Variants in HDAC4 observed in about 807,000 individuals in gnomAD.
The protein encoded by HDAC4 is histone deacetylase 4, also known as histone deacetylase A.
Under a neutral mutation model 135.1 loss-of-function variants are expected in HDAC4, and 16 were observed. The ratio of observed to expected loss-of-function variants is 0.12; its 90% confidence interval spans 0.08 to 0.18. The LOEUF is 0.18. Among genes scored for constraint, HDAC4 ranks in the 10% least tolerant of loss-of-function variants. HDAC4 has a pLI of 1.00. For synonymous variants in HDAC4, 685 were observed against 653.4 expected (o/e 1.05, Z -0.74); for missense variants, 1,143 against 1,511.8 (o/e 0.76, Z 4.05).
rs2052589815 is a variant in HDAC4 at position 239,306,478 on chromosome 2, T to G, written c.22+46200A>C. 6.6e-6 allele frequency among the ~76,000 whole-genome samples: 1 copy of G among 152,016 alleles called. No homozygotes were observed. The highest frequency in any genetic ancestry group is 1.5e-5 in the Non-Finnish European group (1 of 67,986). ...TAATACCTGACCCAGGGCCAAGCTA[T>G]CCTGTGTCCCATACTCGGCCCGTAG... On this transcript the variant is annotated intron_variant, in intron 2 of 26. Transcript: ENST00000543185. The surrounding 1 kb of genome is among the most constrained non-coding windows in gnomAD (Gnocchi z 4.5).
chr2:239,263,599 C>T (rs2049520606), intron 2 of HDAC4, among the ~76,000 whole-genome samples: 2 of 152,206 alleles, frequency 1.3e-5, no homozygotes, highest in South Asian at 2.1e-4. Context: ...TGAGGCTCTA[C>T]ACACAGCAGC....
intron 2 of HDAC4, among the ~76,000 whole-genome samples, chr2:239,279,648 C>T (rs1311443871): frequency 1.3e-5 from 2 of 152,202 alleles, no homozygotes; most frequent in Non-Finnish European, 2.9e-5. Flanking sequence ...CCAGAAATCT[C>T]ACACAGCCCC....
rs188606086 is a variant in HDAC4, at chr2:239,143,999, A to G, written c.865+584T>C. Among the ~76,000 whole-genome samples the G allele has an allele frequency of 2.6e-3, 392 of 152,188 alleles. 2 individuals are homozygous for G. The highest frequency in any genetic ancestry group is 8.8e-3 in the African/African-American group (367 of 41,530). On this transcript the variant is annotated intron_variant, in intron 8 of 26. Coordinates refer to ENST00000543185, the MANE Select transcript of HDAC4 (RefSeq NM_001378414.1). ...GTCCTCTGGATGGGGATGTACCCTC[A>G]AGAGGGGCGGGTGAGCCTTCAGGAT...
intron 9 of HDAC4, among the ~76,000 whole-genome samples, chr2:239,137,864 C>T (rs1268446929): frequency 2.0e-5 from 3 of 152,206 alleles, no homozygotes; most frequent in Non-Finnish European, 2.9e-5. Flanking sequence ...AATGGCACCT[C>T]TTGGTATTTC....
At chr2:239,371,667 T>C (rs1469220634) in intron 1 of HDAC4, among the ~76,000 whole-genome samples, 1 of 151,798 alleles carries the variant, frequency 6.6e-6, no homozygotes, top group East Asian at 1.9e-4. Flanking sequence ...ACGGACTCAC[T>C]CACACACACA....
chr2:239,122,078 C>T (rs13395975), intron 12 of HDAC4, among the ~76,000 whole-genome samples: 28 of 152,334 alleles, frequency 1.8e-4, no homozygotes, highest in African/African-American at 6.3e-4. Context: ...CTGGAGTTCA[C>T]GGCCAAAACC....
In HDAC4 at chr2:239,111,603, C is replaced by T. The variant is rs2152799402; in HGVS notation, c.1901G>A (p.Arg634Gln). Reference protein sequence around the residue: ...VSFGGHRPLSRAQSSPASATF... With the variant: ...VSFGGHRPLSQAQSSPASATF... ...GGCAGACGCGGGTGAGGACTGCGCC[C>T]GGGACAGAGGCCTGTGGCCGCCGAA... Residue 634 changes from arginine (R) to glutamine (Q), a missense_variant, in exon 14 of 27, where the codon CGG (arginine) becomes CAG (glutamine). By Grantham distance (43) the Arg-to-Gln change is conservative. Coordinates refer to ENST00000543185, the MANE Select transcript of HDAC4 (RefSeq NM_001378414.1). 1.9e-6 allele frequency: 3 copies of T among 1,611,400 alleles called. No homozygotes were observed. Among genetic ancestry groups the T allele is most frequent in the Non-Finnish European group, 2.5e-6 (3 of 1,179,406 alleles).
intron 2 of HDAC4, among the ~76,000 whole-genome samples, chr2:239,259,909 G>A (rs193093960): frequency 1.3e-5 from 2 of 152,314 alleles, no homozygotes; most frequent in African/African-American, 4.8e-5. Flanking sequence ...ACAGTGAAAC[G>A]TCCTTTGTCA....
chr2:239,332,789 TAAA>T (rs1691673040), intron 2 of HDAC4, among the ~76,000 whole-genome samples: 1 of 151,826 alleles, frequency 6.6e-6, no homozygotes, highest in East Asian at 1.9e-4. Flanking sequence ...ACACAGTTCT[TAAA>T]AAATATTAAT....
chr2:239,152,234 G>C (rs1263887172), intron 7 of HDAC4, among the ~76,000 whole-genome samples: 1 of 152,196 alleles, frequency 6.6e-6, no homozygotes, highest in Non-Finnish European at 1.5e-5. Flanking sequence ...TGCAGTTTCT[G>C]GTGAAGCCAT....
chr2:239,067,079 A>G, intron 23 of HDAC4: 1 of 614,814 alleles, frequency 1.6e-6, no homozygotes. Context: ...TTGATTTTTA[A>G]TCAGCAAATC....
At chr2:239,299,000 C>A (rs1462773278) in intron 2 of HDAC4, among the ~76,000 whole-genome samples, 1 of 151,024 alleles carries the variant, frequency 6.6e-6, no homozygotes, top group Non-Finnish European at 1.5e-5. Context: ...TCCCGAGTAG[C>A]TGGGACTACA....
chr2:239,082,697 G>A (rs559546865), intron 20 of HDAC4, among the ~76,000 whole-genome samples: 93 of 152,370 alleles, frequency 6.1e-4, no homozygotes, highest in African/African-American at 2.0e-3. Flanking sequence ...CAGGGCGTTC[G>A]GCAGGAGACA....
intron 2 of HDAC4, among the ~76,000 whole-genome samples, chr2:239,268,121 T>A (rs1265871068): frequency 6.6e-6 from 1 of 152,252 alleles, no homozygotes; most frequent in Non-Finnish European, 1.5e-5. Context: ...ATTTTTTTTA[T>A]TTGCTCAATT....
At chr2:239,387,065 G>A (rs763946639) in intron 1 of HDAC4, among the ~76,000 whole-genome samples, 3 of 151,894 alleles carry the variant, frequency 2.0e-5, no homozygotes, top group East Asian at 1.9e-4. Flanking sequence ...GGGTGTGTGC[G>A]TGTCCGGGGA....
At chr2:239,329,905 G>A (rs919970180) in intron 2 of HDAC4, among the ~76,000 whole-genome samples, 21 of 152,036 alleles carry the variant, frequency 1.4e-4, no homozygotes, top group African/African-American at 3.4e-4. Flanking sequence ...GGCGGCCACG[G>A]GTGTCTGTGT....
intron 2 of HDAC4, among the ~76,000 whole-genome samples, chr2:239,340,008 G>A (rs1436048225): frequency 6.6e-6 from 1 of 152,186 alleles, no homozygotes; most frequent in African/African-American, 2.4e-5. Flanking sequence ...GACAGAAAGA[G>A]GCTGGGGGCC....
At chr2:239,176,645 GC>G in intron 4 of HDAC4, 82 bp from the exon 5 acceptor site, 1 of 1,342,106 alleles carries the variant, frequency 7.5e-7, no homozygotes, top group Non-Finnish European at 1.0e-6. Flanking sequence ...CAAGAAACCA[GC>G]CCAGGCCCTA....
chr2:239,136,477 T>C (rs1373793790), intron 9 of HDAC4, among the ~76,000 whole-genome samples: 2 of 152,182 alleles, frequency 1.3e-5, no homozygotes, highest in African/African-American at 2.4e-5. Context: ...CTCTTGGCTA[T>C]TGTGAAAGAT....
Sources: gnomAD v4.1 joint callset for allele counts (sites outside exome capture counted in the v4.1 genomes callset) on GRCh38, gnomAD v4.1.1 for gene constraint, Gnocchi (gnomAD v3.1) non-coding constraint, MANE v1.5 for transcripts, NCBI Gene and HGNC (gene_info 2026-07-23, HGNC 2026-07-21) for gene names.